DYNC1H1: variants seen among roughly 807,000 people sequenced by gnomAD.
The protein encoded by DYNC1H1 is dynein cytoplasmic 1 heavy chain 1, also known as cytoplasmic dynein 1 heavy chain 1.
In DYNC1H1, 51 loss-of-function variants were observed where a neutral mutation model predicts 527.1. The ratio of observed to expected loss-of-function variants is 0.10; its 90% confidence interval spans 0.08 to 0.12. The LOEUF is 0.12. Among genes scored for constraint, DYNC1H1 ranks in the 10% least tolerant of loss-of-function variants. The pLI is 1.00. For missense variants in DYNC1H1, 2,771 were observed against 5,971.8 expected, an observed-to-expected ratio of 0.46 and a Z score of 17.66; for synonymous variants, 2,189 against 2,278.8, an observed-to-expected ratio of 0.96 and a Z score of 1.12.
chr14:102,007,137 A>G (rs1242037627), intron 28 of DYNC1H1, 29 bp downstream of exon 28: 4 of 1,606,570 alleles, frequency 2.5e-6, no homozygotes, highest in Non-Finnish European at 3.4e-6. Flanking sequence ...TCCACCTAAA[A>G]TGTAATGCCC....
In DYNC1H1 at chr14:102,015,741, T is replaced by C; in HGVS notation, c.7243-115T>C. 8.6e-7 allele frequency: 1 copy of C among 1,160,514 alleles called. No homozygotes were observed. Among genetic ancestry groups the C allele is most frequent in the Non-Finnish European group, 1.2e-6 (1 of 801,278 alleles). The allele number at this position is 1,160,514 out of a possible 1,614,324, so 71.9% of individuals were successfully genotyped here. A position where few individuals can be genotyped will look rare whatever the true frequency, so the allele number is the denominator to read the frequency against. Reference sequence around the variant, plus strand: ...GGAATGAGGACTGGTCATTGAAGCTTCATCCAAAATGAGTTTTCCAAGGTC... The same window carrying C: ...GGAATGAGGACTGGTCATTGAAGCTCCATCCAAAATGAGTTTTCCAAGGTC... On this transcript the variant is annotated intron_variant, in intron 35 of 77. Coordinates refer to ENST00000360184, the MANE Select transcript of DYNC1H1 (RefSeq NM_001376.5). This position sits in a 1 kb window ranked among gnomAD's most constrained non-coding sequence, Gnocchi z 6.9.
chr14:102,013,524 C>T (rs187354323), intron 34 of DYNC1H1, among the ~76,000 whole-genome samples: 55 of 151,974 alleles, frequency 3.6e-4, no homozygotes, highest in African/African-American at 8.7e-4. Context: ...GACAGGGGGC[C>T]GGTGTACTTG....
At position 102,049,948 on chromosome 14, in the gene DYNC1H1, TC is replaced by T; in HGVS notation, c.13684+69del. On this transcript the variant is annotated intron_variant, in intron 76 of 77. Coordinates refer to ENST00000360184, the MANE Select transcript of DYNC1H1 (RefSeq NM_001376.5). This position sits in a 1 kb window ranked among gnomAD's most constrained non-coding sequence, Gnocchi z 5.5. Reference sequence around the variant, plus strand: ...GACCTCGGTGGCCTGAGACCATTGTTCCCAGATACATGCACTTAGGGTGACC... The same window carrying T: ...GACCTCGGTGGCCTGAGACCATTGTTCCAGATACATGCACTTAGGGTGACC... 1 of 1,539,632 alleles carries T rather than the reference TC, an allele frequency of 6.5e-7. No individual in the cohort carries two copies. Among genetic ancestry groups the T allele is most frequent in the Non-Finnish European group, 8.7e-7 (1 of 1,151,534 alleles).
intron 23 of DYNC1H1, 23 bp from the exon 24 acceptor site, chr14:102,004,495 C>T (rs769622078): frequency 5.6e-6 from 9 of 1,599,982 alleles, no homozygotes; most frequent in Non-Finnish European, 6.8e-6. Flanking sequence ...ATTTTTGCAA[C>T]TTGAGTGTTA....
At chr14:102,008,492 A>G (rs930800130) in intron 29 of DYNC1H1, among the ~76,000 whole-genome samples, 155 bp downstream of exon 29, 3 of 152,190 alleles carry the variant, frequency 2.0e-5, no homozygotes, top group Non-Finnish European at 4.4e-5. Flanking sequence ...TAAAGACGGA[A>G]GGTAAGAAAC....
intron 1 of DYNC1H1, among the ~76,000 whole-genome samples, chr14:101,975,175 G>T (rs1330213147): frequency 1.3e-5 from 2 of 152,196 alleles, no homozygotes; most frequent in Non-Finnish European, 2.9e-5. Flanking sequence ...CTGTGGGCAA[G>T]TTACTGATAT....
intron 69 of DYNC1H1, chr14:102,043,283 C>CAAA (rs10673572): frequency 1.2e-3 from 142 of 118,236 alleles, no homozygotes; most frequent in East Asian, 4.3e-3. Flanking sequence ...GACCCCGTCT[C>CAAA]AAAAAAAAAA....
At chr14:101,968,445 G>T (rs1370852992) in intron 1 of DYNC1H1, among the ~76,000 whole-genome samples, 2 of 152,044 alleles carry the variant, frequency 1.3e-5, no homozygotes, top group African/African-American at 2.4e-5. Context: ...TGTTGCCCAG[G>T]CTGGTCTGGG....
At chr14:102,023,139 C>A in intron 43 of DYNC1H1, 1 of 457,738 alleles carries the variant, frequency 2.2e-6, no homozygotes, top group Admixed American at 3.0e-5. Context: ...GTAACTCACG[C>A]CTATGGTCCC....
chr14:102,026,438 T>C, intron 43 of DYNC1H1, 136 bp from the exon 44 acceptor site: 3 of 945,990 alleles, frequency 3.2e-6, no homozygotes, highest in Non-Finnish European at 4.7e-6. Context: ...TTTATATTTT[T>C]TTGCTATGTT....
intron 44 of DYNC1H1, 186 bp downstream of exon 44, chr14:102,026,893 C>T: frequency 1.1e-6 from 1 of 918,208 alleles, no homozygotes; most frequent in Non-Finnish European, 1.7e-6. Context: ...CTAAGCAGAA[C>T]TTCATTCTTC....
rs1567005720 is a variant in DYNC1H1, at chr14:102,000,319, G to A, written c.3994G>A (p.Val1332Ile). ...ALEELQDLKG[V>I]WSELSKVWEQ... ...AGAAGAATTACAGGACCTCAAAGGC[G>A]TTTGGTCAGAACTTTCTAAGGTTTG... Residue 1332 changes from valine (V) to isoleucine (I), a missense_variant, in exon 18 of 78, where the codon GTT (valine) becomes ATT (isoleucine). Val to Ile is a conservative substitution (Grantham distance 29). This residue lies in a region of DYNC1H1 where 223 missense variants were observed against 462.5 expected (regional missense o/e 0.48). Transcript: ENST00000360184. The A allele has an allele frequency of 3.1e-6, 5 of 1,614,146 alleles. No homozygotes were observed. Among genetic ancestry groups the A allele is most frequent in the East Asian group, 4.5e-5 (2 of 44,880 alleles).
intron 16 of DYNC1H1, among the ~76,000 whole-genome samples, 191 bp from the exon 17 acceptor site, chr14:101,999,798 T>C (rs975266699): frequency 2.6e-5 from 4 of 152,260 alleles, no homozygotes; most frequent in African/African-American, 9.6e-5. Flanking sequence ...AAAATGTTCA[T>C]GTAAAAATTA....
Position 101,965,687 on chromosome 14 carries a change from T to C in DYNC1H1, c.256+740T>C, listed in dbSNP as rs556451107. Among the ~76,000 whole-genome samples the C allele has an allele frequency of 5.9e-5, 9 of 152,088 alleles. No individual in the cohort carries two copies. In the South Asian group the frequency reaches 1.9e-3, roughly 32 times the overall value. On this transcript the variant is annotated intron_variant, in intron 1 of 77. Transcript: ENST00000360184. The surrounding 1 kb of genome is among the most constrained non-coding windows in gnomAD (Gnocchi z 4.1). Reference sequence around the variant, plus strand: ...ACCCAAGGTCACCAGCTAATCTTAGTCCTGAGACTAGACTCAGTGTCTCAG... The same window carrying C: ...ACCCAAGGTCACCAGCTAATCTTAGCCCTGAGACTAGACTCAGTGTCTCAG...
rs1455844874 is a variant in DYNC1H1 at position 102,048,008 on chromosome 14, C to T, written c.13198C>T (p.Arg4400Cys). The T allele has an allele frequency of 6.2e-7, 1 of 1,611,562 alleles. No homozygotes were observed. Residue 4400 changes from arginine (R) to cysteine (C), a missense_variant, in exon 73 of 78, where the codon CGC (arginine) becomes TGC (cysteine). Around this residue, in one of 32 missense-constraint regions of DYNC1H1, gnomAD observed 170 missense variants for 249.8 expected, o/e 0.68. Transcript: ENST00000360184. ...LIPQTLSHLKRTVENIKDPLF... is the reference protein window; with the variant it reads ...LIPQTLSHLKCTVENIKDPLF... ...CCCCCAGACGCTGAGCCACCTCAAG[C>T]GCACCGTGGAGAATATCAAGGTAGC...
At position 101,985,565 on chromosome 14, in the gene DYNC1H1, C is replaced by T. The variant is rs946882565; in HGVS notation, c.1462-122C>T. ...GGTCTCGAACTCCTGACCTCATGAT[C>T]CGCCTGCCTTGGCCTCCCAAAGTGC... On this transcript the variant is annotated intron_variant, in intron 7 of 77. Transcript: ENST00000360184. The surrounding 1 kb of genome is among the most constrained non-coding windows in gnomAD (Gnocchi z 5.9). The T allele has an allele frequency of 3.0e-5, 30 of 1,006,084 alleles. No homozygotes were observed. The highest frequency in any genetic ancestry group is 4.6e-5 in the Non-Finnish European group (30 of 655,794). The allele number at this position is 1,006,084 out of a possible 1,614,324, so 62.3% of individuals were successfully genotyped here. A position where few individuals can be genotyped will look rare whatever the true frequency, so the allele number is the denominator to read the frequency against.
chr14:102,038,615 T>C lies in DYNC1H1; in HGVS notation c.11055+9T>C, dbSNP rs749721355. On this transcript the variant is annotated intron_variant, in intron 58 of 77. Transcript: ENST00000360184. This position sits in a 1 kb window ranked among gnomAD's most constrained non-coding sequence, Gnocchi z 7.2. Reference sequence around the variant, plus strand: ...CCACCCGGGATCCAACTGTAAGGAATGGGACCCTTCCCCAGGGAAATCTGG... The same window carrying C: ...CCACCCGGGATCCAACTGTAAGGAACGGGACCCTTCCCCAGGGAAATCTGG... 3.7e-6 allele frequency: 6 copies of C among 1,614,196 alleles called. No homozygotes were observed. The highest frequency in any genetic ancestry group is 2.2e-5 in the East Asian group (1 of 44,886).
At chr14:101,966,240 T>G (rs1297316779) in intron 1 of DYNC1H1, among the ~76,000 whole-genome samples, 1 of 152,204 alleles carries the variant, frequency 6.6e-6, no homozygotes, top group Non-Finnish European at 1.5e-5. Context: ...CCTGTAGCCT[T>G]GGTTTCCTGC....
intron 1 of DYNC1H1, among the ~76,000 whole-genome samples, chr14:101,969,190 T>C (rs1330765113): frequency 6.6e-6 from 1 of 151,610 alleles, no homozygotes. Flanking sequence ...GTTAATTTTT[T>C]TTTTTTTTTT....
Sources: gnomAD v4.1 joint callset for allele counts (sites outside exome capture counted in the v4.1 genomes callset) on GRCh38, gnomAD v4.1.1 for gene constraint, gnomAD v4.1.1 regional missense constraint, Gnocchi (gnomAD v3.1) non-coding constraint, MANE v1.5 for transcripts, NCBI Gene and HGNC (gene_info 2026-07-23, HGNC 2026-07-21) for gene names.